PPFIA2: variants seen among roughly 807,000 people sequenced by gnomAD.
PPFIA2 encodes PPFI scaffold protein A2, also known as liprin-alpha-2.
PPFIA2 carries 46 observed loss-of-function variants against 175.5 expected under a neutral mutation model. The ratio of observed to expected loss-of-function variants is 0.26; its 90% CI spans 0.21 to 0.34. PPFIA2 has a LOEUF of 0.34. PPFIA2 is among the 10% of genes least tolerant of loss of function. The pLI, the probability that PPFIA2 is intolerant of heterozygous loss-of-function variation, is 1.00. For missense variants in PPFIA2, 1,179 were observed against 1,506.1 expected, an observed-to-expected ratio of 0.78 and a Z score of 3.60; for synonymous variants, 568 against 511.4, an observed-to-expected ratio of 1.11 and a Z score of -1.49.
chr12:81,671,635 T>A (rs182405184), intron 4 of PPFIA2, among the ~76,000 whole-genome samples: 1 of 152,004 alleles, frequency 6.6e-6, no homozygotes, highest in African/African-American at 2.4e-5. Context: ...TGGTCTTTAG[T>A]ATAAAGTACA....
chr12:81,508,414 G>T (rs551379176), intron 4 of PPFIA2, among the ~76,000 whole-genome samples: 1 of 150,248 alleles, frequency 6.7e-6, no homozygotes, highest in South Asian at 2.1e-4. Flanking sequence ...CCAGCTATTC[G>T]GGAGGCTGAG....
chr12:81,476,562 TAATTC>T (rs1475333403), intron 4 of PPFIA2, among the ~76,000 whole-genome samples: 1 of 152,156 alleles, frequency 6.6e-6, no homozygotes, highest in Non-Finnish European at 1.5e-5. Flanking sequence ...AACTGTAAAA[TAATTC>T]AGTCAACTAA....
intron 23 of PPFIA2, 145 bp from the exon 24 acceptor site, chr12:81,295,180 A>G (rs2046156893): frequency 1.4e-6 from 1 of 705,634 alleles, no homozygotes; most frequent in South Asian, 2.0e-5. Flanking sequence ...CCTAGAGGAC[A>G]TAGATGCACA....
chr12:81,641,540 C>G (rs1006627171), intron 4 of PPFIA2, among the ~76,000 whole-genome samples: 29 of 152,252 alleles, frequency 1.9e-4, no homozygotes, highest in African/African-American at 6.7e-4. Context: ...TGCCACTGCT[C>G]TCAGTCTGGA....
At chr12:81,697,150 T>C (rs2075989545) in intron 3 of PPFIA2, among the ~76,000 whole-genome samples, 1 of 152,104 alleles carries the variant, frequency 6.6e-6, no homozygotes, top group African/African-American at 2.4e-5. Flanking sequence ...TTAAAATGTA[T>C]AATGAATTAA....
At chr12:81,540,703 A>G (rs2066071848) in intron 4 of PPFIA2, among the ~76,000 whole-genome samples, 1 of 152,072 alleles carries the variant, frequency 6.6e-6, no homozygotes, top group African/African-American at 2.4e-5. Context: ...TATTCAAAAC[A>G]AAAATTCATA....
intron 4 of PPFIA2, among the ~76,000 whole-genome samples, chr12:81,578,603 T>C (rs575664065): frequency 2.2e-4 from 33 of 151,992 alleles, no homozygotes; most frequent in African/African-American, 7.9e-4. Context: ...GGCTAATACT[T>C]AGTAGCTTAC....
intron 16 of PPFIA2, among the ~76,000 whole-genome samples, chr12:81,356,235 C>A (rs2060831223): frequency 6.6e-6 from 1 of 152,108 alleles, no homozygotes; most frequent in South Asian, 2.1e-4. Context: ...GAAGCACACA[C>A]AACATATAGA....
intron 4 of PPFIA2, among the ~76,000 whole-genome samples, chr12:81,500,835 C>G (rs1053671787): frequency 6.6e-6 from 1 of 152,162 alleles, no homozygotes; most frequent in African/African-American, 2.4e-5. Context: ...GTTAATTTAA[C>G]CCTGATTTCT....
chr12:81,738,188 G>A (rs1473040144), intron 3 of PPFIA2, among the ~76,000 whole-genome samples: 1 of 150,962 alleles, frequency 6.6e-6, no homozygotes, highest in Non-Finnish European at 1.5e-5. Context: ...CAGCAACAAT[G>A]AAAGTCAGAA....
intron 4 of PPFIA2, among the ~76,000 whole-genome samples, chr12:81,652,713 C>A (rs371831186): frequency 6.6e-6 from 1 of 151,950 alleles, no homozygotes; most frequent in Non-Finnish European, 1.5e-5. Flanking sequence ...AGATTTCTTT[C>A]CTCCCATCTT....
chr12:81,381,873 A>G (rs1206488824), intron 9 of PPFIA2, among the ~76,000 whole-genome samples: 1 of 151,994 alleles, frequency 6.6e-6, no homozygotes, highest in East Asian at 1.9e-4. Context: ...ACCTTCTGAT[A>G]TTTACTTATA....
At chr12:81,626,321 T>C (rs1443579163) in intron 4 of PPFIA2, among the ~76,000 whole-genome samples, 3 of 151,934 alleles carry the variant, frequency 2.0e-5, no homozygotes, top group African/African-American at 7.2e-5. Flanking sequence ...CAAAGGAATA[T>C]TTTCTTCTAA....
At chr12:81,370,094 T>C (rs1380377755) in intron 11 of PPFIA2, among the ~76,000 whole-genome samples, 4 of 151,788 alleles carry the variant, frequency 2.6e-5, no homozygotes, top group Non-Finnish European at 4.4e-5. Context: ...TAGGGTTTGT[T>C]TGTCTATATT....
At chr12:81,359,979 T>A (rs568448260) in intron 15 of PPFIA2, among the ~76,000 whole-genome samples, 2 of 152,050 alleles carry the variant, frequency 1.3e-5, no homozygotes, top group African/African-American at 4.8e-5. Context: ...TTCCAGTAAC[T>A]CACACTTTCT....
At chr12:81,557,507 G>T (rs1012438133) in intron 4 of PPFIA2, among the ~76,000 whole-genome samples, 5 of 151,958 alleles carry the variant, frequency 3.3e-5, no homozygotes, top group African/African-American at 1.2e-4. Context: ...CCAAAGTGGA[G>T]AAGTATCTTT....
chr12:81,439,875 A>G, intron 7 of PPFIA2, 97 bp downstream of exon 7: 1 of 1,012,278 alleles, frequency 9.9e-7, no homozygotes, highest in South Asian at 1.5e-5. Context: ...AATGTAATTT[A>G]TTTTTTGTGA....
intron 7 of PPFIA2, among the ~76,000 whole-genome samples, chr12:81,426,445 C>T (rs2047149065): frequency 6.6e-6 from 1 of 152,122 alleles, no homozygotes; most frequent in South Asian, 2.1e-4. Flanking sequence ...GTGAGAATTT[C>T]CTGAACTTGC....
At chr12:81,648,182 A>G (rs1201353376) in intron 4 of PPFIA2, among the ~76,000 whole-genome samples, 2 of 151,788 alleles carry the variant, frequency 1.3e-5, no homozygotes, top group African/African-American at 2.4e-5. Flanking sequence ...TTCTCAATCA[A>G]TAAAAAGCAA....
Sources: gnomAD v4.1 joint callset for allele counts (sites outside exome capture counted in the v4.1 genomes callset) on GRCh38, gnomAD v4.1.1 for gene constraint, MANE v1.5 for transcripts, NCBI Gene and HGNC (gene_info 2026-07-23, HGNC 2026-07-21) for gene names.